Variants in PDE11A observed in about 807,000 individuals in gnomAD.
The protein encoded by PDE11A is dual 3',5'-cyclic-AMP and -GMP phosphodiesterase 11A.
In PDE11A, 100 loss-of-function variants were observed where a neutral mutation model predicts 100.5. The observed-to-expected ratio is 1.00, with a 90% CI of 0.85 to 1.18. The LOEUF is 1.18. Among genes scored for constraint, PDE11A ranks in the 50% most tolerant of loss-of-function variants. PDE11A has a pLI of 0.00. For missense variants in PDE11A, 1,141 were observed against 1,152.6 expected (o/e 0.99, Z 0.15); for synonymous variants, 381 against 420.8 (o/e 0.91, Z 1.16).
chr2:177,776,043 G>A (rs377075860), intron 9 of PDE11A, among the ~76,000 whole-genome samples: 13 of 152,246 alleles, frequency 8.5e-5, no homozygotes, highest in African/African-American at 3.1e-4. Flanking sequence ...TTTTAAAACA[G>A]TATCTCCATT....
intron 19 of PDE11A, among the ~76,000 whole-genome samples, chr2:177,659,796 C>T (rs572978254): frequency 2.0e-5 from 3 of 149,964 alleles, no homozygotes; most frequent in African/African-American, 7.6e-5. Flanking sequence ...TTTTTTCCCC[C>T]TCCAAAGACG....
chr2:177,984,395 A>G lies in PDE11A; in HGVS notation c.1071+29907T>C, dbSNP rs1292635359. Among the ~76,000 whole-genome samples the G allele has an allele frequency of 2.0e-5, 3 of 152,310 alleles. No homozygotes were observed. The East Asian group carries it at 5.8e-4, about 29-fold the overall frequency. On this transcript the variant is annotated intron_variant, in intron 2 of 19. Transcript: ENST00000286063. ...AGATAGGGGTGAATGGCATACATAT[A>G]CTTTTAACTGAGTGAAAACAACTCC...
intron 19 of PDE11A, among the ~76,000 whole-genome samples, chr2:177,630,716 G>C (rs913632795): frequency 6.6e-6 from 1 of 151,736 alleles, no homozygotes; most frequent in Non-Finnish European, 1.5e-5. Context: ...ATAATGAAAG[G>C]CTTCTAACAT....
intron 3 of PDE11A, among the ~76,000 whole-genome samples, chr2:177,902,549 G>A (rs1323186123): frequency 2.6e-5 from 4 of 152,190 alleles, no homozygotes; most frequent in Non-Finnish European, 5.9e-5. Flanking sequence ...TCTGCATTTT[G>A]TCCCTCCTTC....
chr2:178,060,362 G>A (rs1204471583), intron 1 of PDE11A, among the ~76,000 whole-genome samples: 1 of 152,166 alleles, frequency 6.6e-6, no homozygotes, highest in Non-Finnish European at 1.5e-5. Flanking sequence ...AGAAAAATTA[G>A]TCATAAGCCC....
chr2:178,045,317 C>A (rs1261115481), intron 1 of PDE11A, among the ~76,000 whole-genome samples: 1 of 152,140 alleles, frequency 6.6e-6, no homozygotes, highest in Non-Finnish European at 1.5e-5. Context: ...TCCTTCCCTG[C>A]AGGTTTTGGT....
At chr2:177,993,970 C>CTGTT (rs1295293199) in intron 2 of PDE11A, among the ~76,000 whole-genome samples, 1 of 147,874 alleles carries the variant, frequency 6.8e-6, no homozygotes, top group Non-Finnish European at 1.5e-5. Flanking sequence ...GAGTCTCACT[C>CTGTT]TGTTGCCCAG....
chr2:177,904,629 A>C (rs1209878510), intron 3 of PDE11A, among the ~76,000 whole-genome samples: 1 of 147,542 alleles, frequency 6.8e-6, no homozygotes, highest in African/African-American at 2.5e-5. Flanking sequence ...ATCTCCACTC[A>C]CTGTGACCTC....
chr2:177,930,241 A>G (rs769485098), intron 2 of PDE11A, among the ~76,000 whole-genome samples: 6 of 152,218 alleles, frequency 3.9e-5, no homozygotes, highest in Non-Finnish European at 8.8e-5. Flanking sequence ...AGGCTGTTTT[A>G]CTTTTAAACA....
At chr2:177,678,237 G>T (rs2080808873) in intron 16 of PDE11A, among the ~76,000 whole-genome samples, 2 of 152,282 alleles carry the variant, frequency 1.3e-5, no homozygotes, top group Non-Finnish European at 1.5e-5. Context: ...TATGAGTTCT[G>T]CAAGGTTAGA....
chr2:177,631,124 G>C (rs1260127429), intron 19 of PDE11A, among the ~76,000 whole-genome samples: 1 of 67,570 alleles, frequency 1.5e-5, no homozygotes, highest in Admixed American at 2.0e-4. Context: ...GCCTTGAATG[G>C]AATCTTTCTA....
chr2:177,788,680 G>C (rs2082578816), intron 9 of PDE11A, among the ~76,000 whole-genome samples: 1 of 151,268 alleles, frequency 6.6e-6, no homozygotes, highest in Non-Finnish European at 1.5e-5. Context: ...GAATCAAATA[G>C]ATGCAATAAA....
At chr2:177,645,038 T>A (rs1304739617) in intron 19 of PDE11A, among the ~76,000 whole-genome samples, 2 of 152,220 alleles carry the variant, frequency 1.3e-5, no homozygotes, top group African/African-American at 4.8e-5. Flanking sequence ...CTTGGGTATG[T>A]CTTTATTAGC....
chr2:177,707,389 G>A (rs1231382023), intron 13 of PDE11A, among the ~76,000 whole-genome samples: 1 of 152,162 alleles, frequency 6.6e-6, no homozygotes, highest in Non-Finnish European at 1.5e-5. Context: ...ATGATACCAG[G>A]AACTCTGAAG....
intron 19 of PDE11A, among the ~76,000 whole-genome samples, chr2:177,653,434 T>C (rs368072282): frequency 1.3e-5 from 2 of 152,284 alleles, no homozygotes; most frequent in South Asian, 2.1e-4. Context: ...TTTCTCAACC[T>C]CTCTGTCGTG....
At chr2:177,826,398 C>T (rs960675822) in intron 6 of PDE11A, among the ~76,000 whole-genome samples, 4 of 152,104 alleles carry the variant, frequency 2.6e-5, no homozygotes, top group Non-Finnish European at 4.4e-5. Flanking sequence ...ACAACTTTAA[C>T]AATAATCTAA....
intron 15 of PDE11A, among the ~76,000 whole-genome samples, chr2:177,682,744 G>C (rs1241778915): frequency 6.6e-6 from 1 of 152,184 alleles, no homozygotes; most frequent in African/African-American, 2.4e-5. Flanking sequence ...TGCCAAGTAG[G>C]TTTGAGAAAT....
intron 5 of PDE11A, among the ~76,000 whole-genome samples, chr2:177,859,192 C>T (rs1464141857): frequency 6.6e-6 from 1 of 151,828 alleles, no homozygotes; most frequent in Non-Finnish European, 1.5e-5. Flanking sequence ...CACATGTATA[C>T]ATATGTAACA....
At chr2:177,655,389 GA>G (rs1264803108) in intron 19 of PDE11A, among the ~76,000 whole-genome samples, 2 of 152,194 alleles carry the variant, frequency 1.3e-5, no homozygotes, top group Non-Finnish European at 2.9e-5. Flanking sequence ...GAAGAACTCT[GA>G]GATGTAGCGA....
Sources: allele counts gnomAD v4.1 joint callset (sites outside exome capture counted in the v4.1 genomes callset), GRCh38; gene constraint gnomAD v4.1.1; transcripts MANE v1.5; gene names NCBI Gene and HGNC (gene_info 2026-07-23, HGNC 2026-07-21).